KCNC2: variants seen among roughly 807,000 people sequenced by gnomAD.
KCNC2 encodes voltage-gated potassium channel KCNC2.
A neutral mutation model predicts 44.5 loss-of-function variants in KCNC2; 21 were observed. The ratio of observed to expected loss-of-function variants is 0.47; its 90% CI spans 0.33 to 0.68. KCNC2 has a LOEUF of 0.68. Among genes scored for constraint, KCNC2 ranks in the 30% least tolerant of loss-of-function variants. KCNC2 has a pLI of 0.01. For synonymous variants in KCNC2, 391 were observed against 339.1 expected (o/e 1.15, Z -1.68); for missense variants, 589 against 826.2 (o/e 0.71, Z 3.52).
intron 2 of KCNC2, among the ~76,000 whole-genome samples, chr12:75,119,208 C>G (rs1042751323): frequency 3.3e-5 from 5 of 152,174 alleles, no homozygotes; most frequent in African/African-American, 1.2e-4. Flanking sequence ...GGGTAACTGA[C>G]AGACTGGGAT....
intron 4 of KCNC2, among the ~76,000 whole-genome samples, chr12:75,047,581 T>C (rs1291789224): frequency 2.6e-5 from 4 of 152,114 alleles, no homozygotes; most frequent in Admixed American, 6.6e-5. Flanking sequence ...AGTACACAAG[T>C]AGGCTTTGAA....
chr12:75,173,957 A>G (rs1238386622), intron 2 of KCNC2, among the ~76,000 whole-genome samples: 1 of 151,862 alleles, frequency 6.6e-6, no homozygotes, highest in African/African-American at 2.4e-5. Context: ...AATCAGTTTA[A>G]AAAGGTTTTT....
At chr12:75,106,208 G>A (rs1886768975) in intron 2 of KCNC2, among the ~76,000 whole-genome samples, 1 of 152,186 alleles carries the variant, frequency 6.6e-6, no homozygotes, top group South Asian at 2.1e-4. Flanking sequence ...AAGTCATGGT[G>A]ATGGGTGAAC....
intron 2 of KCNC2, among the ~76,000 whole-genome samples, chr12:75,197,851 A>T (rs1337184968): frequency 4.6e-5 from 7 of 151,976 alleles, no homozygotes; most frequent in Non-Finnish European, 1.5e-5. Flanking sequence ...AAGTACTCTG[A>T]CAACTGCACT....
intron 2 of KCNC2, among the ~76,000 whole-genome samples, chr12:75,142,578 T>G (rs1038347403): frequency 2.6e-5 from 4 of 152,190 alleles, no homozygotes; most frequent in African/African-American, 9.6e-5. Context: ...ACAGACCACT[T>G]CTGCTCCATG....
At position 75,122,926 on chromosome 12, in the gene KCNC2, T is replaced by G. The variant is rs567641773; in HGVS notation, c.688-71609A>C. 5.3e-5 allele frequency among the ~76,000 whole-genome samples: 8 copies of G among 152,300 alleles called. No homozygotes were observed. The South Asian group carries it at 1.7e-3, about 32-fold the overall frequency. On this transcript the variant is annotated intron_variant, in intron 2 of 4. Transcript: ENST00000549446. ...CTTATGCCAATCTGCCTTGATAATT[T>G]ACAAGGCTATTTTATCCACTTTTAT...
At chr12:75,120,259 T>A (rs1199512159) in intron 2 of KCNC2, among the ~76,000 whole-genome samples, 1 of 152,202 alleles carries the variant, frequency 6.6e-6, no homozygotes, top group Admixed American at 6.5e-5. Context: ...CTTGTCAATA[T>A]TCACAACTGA....
At chr12:75,048,479 T>C (rs1486597507) in intron 3 of KCNC2, among the ~76,000 whole-genome samples, 162 bp from the exon 4 acceptor site, 1 of 152,094 alleles carries the variant, frequency 6.6e-6, no homozygotes, top group African/African-American at 2.4e-5. Context: ...CACGAAAAAT[T>C]ACATGGAGCA....
At chr12:75,189,331 AG>A (rs1485331168) in intron 2 of KCNC2, among the ~76,000 whole-genome samples, 1 of 152,188 alleles carries the variant, frequency 6.6e-6, no homozygotes, top group African/African-American at 2.4e-5. Flanking sequence ...ACAGAGGACA[AG>A]GGGTACTCCT....
intron 2 of KCNC2, 72 bp from the exon 3 acceptor site, chr12:75,051,389 G>T: frequency 7.2e-6 from 6 of 838,378 alleles, no homozygotes; most frequent in Non-Finnish European, 1.1e-5. Flanking sequence ...TAATCTAAAA[G>T]CAACAATCCC....
At chr12:75,129,083 G>A (rs1393346973) in intron 2 of KCNC2, among the ~76,000 whole-genome samples, 1 of 152,222 alleles carries the variant, frequency 6.6e-6, no homozygotes, top group Non-Finnish European at 1.5e-5. Context: ...TTGTCAGCTA[G>A]TAATAGTTGC....
intron 2 of KCNC2, among the ~76,000 whole-genome samples, chr12:75,161,517 C>A (rs1237608170): frequency 1.3e-5 from 2 of 151,682 alleles, no homozygotes; most frequent in Non-Finnish European, 2.9e-5. Flanking sequence ...GTTTTAACAA[C>A]ATGAAATTAA....
chr12:75,114,728 C>T (rs1015434546), intron 2 of KCNC2, among the ~76,000 whole-genome samples: 2 of 152,102 alleles, frequency 1.3e-5, no homozygotes, highest in Non-Finnish European at 2.9e-5. Context: ...AATACTACTT[C>T]ACATCATACT....
At chr12:75,176,820 G>C (rs1434527953) in intron 2 of KCNC2, among the ~76,000 whole-genome samples, 2 of 151,732 alleles carry the variant, frequency 1.3e-5, no homozygotes, top group Admixed American at 6.6e-5. Context: ...TCCAGGTCCT[G>C]GGAATTTGAC....
chr12:75,204,690 T>C (rs930701200), intron 2 of KCNC2, among the ~76,000 whole-genome samples: 1 of 152,186 alleles, frequency 6.6e-6, no homozygotes. Flanking sequence ...TAATTTCAAC[T>C]TGTGGCCTCC....
At chr12:75,205,253 T>C (rs1166076896) in intron 2 of KCNC2, among the ~76,000 whole-genome samples, 5 of 152,192 alleles carry the variant, frequency 3.3e-5, no homozygotes, top group Non-Finnish European at 7.4e-5. Context: ...ACTTAGCATC[T>C]GCAGTCTTCA....
intron 2 of KCNC2, among the ~76,000 whole-genome samples, chr12:75,139,506 T>C (rs544441803): frequency 2.0e-5 from 3 of 152,228 alleles, no homozygotes; most frequent in Non-Finnish European, 4.4e-5. Flanking sequence ...GATGAAATTT[T>C]CTTATGTGAA....
In KCNC2 at chr12:75,041,367, A is replaced by C; in HGVS notation, c.*1738T>G. On this transcript the variant is annotated 3_prime_UTR_variant, in exon 5 of 5. Transcript: ENST00000549446. ...AAATACATTGCTGTACAACATCTCC[A>C]ACATGCAGGTCATGCTCTAGGACTT... 3 of 1,441,962 alleles carry C rather than the reference A, an allele frequency of 2.1e-6. No individual in the cohort carries two copies. Among genetic ancestry groups the C allele is most frequent in the Non-Finnish European group, 9.1e-7 (1 of 1,095,812 alleles). 89.3% of individuals were successfully genotyped at this position (1,441,962 alleles called of 1,614,324 possible).
Position 75,041,523 on chromosome 12 carries a change from T to G in KCNC2, c.*1582A>C. 1 of 1,146,874 alleles carries G rather than the reference T, an allele frequency of 8.7e-7. No homozygotes were observed. Among genetic ancestry groups the G allele is most frequent in the East Asian group, 5.6e-5 (1 of 17,760 alleles). 71.0% of individuals were successfully genotyped at this position (1,146,874 alleles called of 1,614,324 possible). ...CTCCCAAATGCCTTAGTGATATTAT[T>G]TATCCCTCTATTTATATTACGGTCT... On this transcript the variant is annotated 3_prime_UTR_variant, in exon 5 of 5. Coordinates refer to ENST00000549446, the MANE Select transcript of KCNC2 (RefSeq NM_139137.4).
Sources: allele counts gnomAD v4.1 joint callset (sites outside exome capture counted in the v4.1 genomes callset), GRCh38; gene constraint gnomAD v4.1.1; transcripts MANE v1.5; gene names NCBI Gene and HGNC (gene_info 2026-07-23, HGNC 2026-07-21).